The following EHMT1 variants were observed in gnomAD, a reference collection of about 807,000 sequenced individuals.
EHMT1 encodes the protein histone-lysine N-methyltransferase EHMT1.
A neutral mutation model predicts 147.2 loss-of-function variants in EHMT1; 15 were observed. That is an observed-to-expected ratio of 0.10 (90% CI 0.07 to 0.16). The LOEUF (loss-of-function observed/expected upper bound fraction) is 0.16. Ranked by LOEUF, EHMT1 falls within the 10% of genes least tolerant of loss-of-function variation. The pLI is 1.00. For synonymous variants in EHMT1, 795 were observed against 709.6 expected, an observed-to-expected ratio of 1.12 and a Z score of -1.91; for missense variants, 1,587 against 1,772.4, an observed-to-expected ratio of 0.90 and a Z score of 1.88.
At chr9:137,681,963 G>T (rs1247967754) in intron 1 of EHMT1, among the ~76,000 whole-genome samples, 2 of 151,820 alleles carry the variant, frequency 1.3e-5, no homozygotes, top group Non-Finnish European at 2.9e-5. Flanking sequence ...TTGTTTGTTT[G>T]TTTTTTTGAG....
intron 9 of EHMT1, among the ~76,000 whole-genome samples, chr9:137,760,182 T>C (rs1238485152): frequency 6.6e-6 from 1 of 152,150 alleles, no homozygotes; most frequent in Non-Finnish European, 1.5e-5. Flanking sequence ...TGAGGCTTGC[T>C]TCAGTCAGTT....
At chr9:137,745,762 C>G (rs924935320) in intron 6 of EHMT1, 13 of 385,278 alleles carry the variant, frequency 3.4e-5, no homozygotes, top group Admixed American at 1.3e-4. Context: ...ATGCCGGAGG[C>G]TCATAAGTGC....
intron 4 of EHMT1, among the ~76,000 whole-genome samples, chr9:137,740,389 C>G (rs191757853): frequency 6.6e-6 from 1 of 152,024 alleles, no homozygotes. Flanking sequence ...GCACTGGCCC[C>G]GCTTCTTTGA....
chr9:137,679,857 G>C (rs755077596), intron 1 of EHMT1, among the ~76,000 whole-genome samples: 21 of 152,124 alleles, frequency 1.4e-4, no homozygotes, highest in Admixed American at 9.2e-4. Context: ...CTAGAGTCAG[G>C]AGTTCCTTGT....
Position 137,768,529 on chromosome 9 carries a change from ATTTTTTTTTTTTTTTTTTTT to A in EHMT1, c.1647+5728_1647+5747del, listed in dbSNP as rs947901899. The stretch of plus-strand genomic sequence containing the variant: ...CCACCACGCCCGGCTAATTTTTTGT[ATTTTTTTTTTTTTTTTTTTT>A]TTTTTTTTTTTTTTTTTTGAGACGG... On this transcript the variant is annotated intron_variant, in intron 10 of 26. Transcript: ENST00000460843. Among the ~76,000 whole-genome samples, 30 of 18,286 alleles carry A rather than the reference ATTTTTTTTTTTTTTTTTTTT, an allele frequency of 1.6e-3. 1 individual carries two copies. Among genetic ancestry groups the A allele is most frequent in the South Asian group, 0.015 (5 of 334 alleles). The allele number at this position is 18,286 out of a possible 152,430, so 12.0% of individuals were successfully genotyped here.
chr9:137,619,278 G>A (rs2133379003), intron 1 of EHMT1, among the ~76,000 whole-genome samples: 1 of 146,570 alleles, frequency 6.8e-6, no homozygotes. Context: ...CGCGGCGCGG[G>A]CCGGGCGGCG....
chr9:137,675,145 T>C (rs1294748509), intron 1 of EHMT1: 2 of 152,246 alleles, frequency 1.3e-5, no homozygotes, highest in Non-Finnish European at 2.9e-5. Flanking sequence ...CTTCTGTGCC[T>C]TGTCATGAAG....
At chr9:137,709,433 C>T (rs537027028) in intron 1 of EHMT1, among the ~76,000 whole-genome samples, 1 of 152,270 alleles carries the variant, frequency 6.6e-6, no homozygotes, top group South Asian at 2.1e-4. Context: ...GGGCTGTGCA[C>T]AGTTGCTAAG....
At chr9:137,814,167 C>T in intron 21 of EHMT1, 1 of 567,298 alleles carries the variant, frequency 1.8e-6, no homozygotes, top group Non-Finnish European at 3.2e-6. Context: ...CCTTCACCCA[C>T]CCCACGTCAC....
intron 9 of EHMT1, among the ~76,000 whole-genome samples, chr9:137,761,481 G>A (rs748223009): frequency 1.4e-4 from 21 of 152,062 alleles, no homozygotes; most frequent in Non-Finnish European, 2.5e-4. Context: ...TTGAGACGGA[G>A]TCTCACTCTG....
chr9:137,830,554 T>A (rs1354626138), intron 25 of EHMT1, among the ~76,000 whole-genome samples: 1 of 152,250 alleles, frequency 6.6e-6, no homozygotes, highest in Non-Finnish European at 1.5e-5. Context: ...TTCTAAAATC[T>A]TTAGTTTCAA....
At chr9:137,723,797 C>A (rs1422730601) in intron 3 of EHMT1, among the ~76,000 whole-genome samples, 1 of 152,192 alleles carries the variant, frequency 6.6e-6, no homozygotes, top group Non-Finnish European at 1.5e-5. Context: ...TTTAATAAAT[C>A]CAATATTCTC....
At chr9:137,635,800 A>G (rs533256673) in intron 1 of EHMT1, among the ~76,000 whole-genome samples, 134 of 151,790 alleles carry the variant, frequency 8.8e-4, no homozygotes, top group African/African-American at 3.0e-3. Flanking sequence ...AGCCTGGGCG[A>G]CAGAGCGAGA....
intron 1 of EHMT1, among the ~76,000 whole-genome samples, chr9:137,708,105 A>G (rs948441952): frequency 6.6e-6 from 1 of 152,258 alleles, no homozygotes; most frequent in African/African-American, 2.4e-5. Flanking sequence ...TTTACATGTT[A>G]GGGAATACAG....
At chr9:137,635,419 G>T (rs540038509) in intron 1 of EHMT1, among the ~76,000 whole-genome samples, 3 of 150,876 alleles carry the variant, frequency 2.0e-5, no homozygotes, top group Admixed American at 6.6e-5. Context: ...GTTTCACCAT[G>T]TTGGACAGGC....
Position 137,835,114 on chromosome 9 carries a change from G to A in EHMT1, c.*161G>A, listed in dbSNP as rs1255449112. ...GTGAGGCTGCAGCCCCTGCGGGCGG[G>A]TGTGGATGCCTCCCAGCCACCTTCC... On this transcript the variant is annotated 3_prime_UTR_variant, in exon 27 of 27. Transcript: ENST00000460843. 2.4e-6 allele frequency: 2 copies of A among 839,808 alleles called. No homozygotes were observed. Among genetic ancestry groups the A allele is most frequent in the Non-Finnish European group, 3.3e-6 (2 of 608,166 alleles). The allele number at this position is 839,808 out of a possible 1,614,324, so 52.0% of individuals were successfully genotyped here. A position where few individuals can be genotyped will look rare whatever the true frequency, so the allele number is the denominator to read the frequency against.
Position 137,712,990 on chromosome 9 carries a change from C to T in EHMT1, c.85+1960C>T, listed in dbSNP as rs577933097. Among the ~76,000 whole-genome samples the T allele has an allele frequency of 2.6e-5, 4 of 152,210 alleles. 1 individual carries two copies. In the South Asian group the frequency reaches 8.3e-4, roughly 32 times the overall value. On this transcript the variant is annotated intron_variant, in intron 2 of 26. Coordinates refer to ENST00000460843, the MANE Select transcript of EHMT1 (RefSeq NM_024757.5). ...GTAGGGGTCCCAGTTTATTATTTTG[C>T]AAGTTGATAATCAGTTGTCCCAGCA...
At chr9:137,767,429 A>G (rs997396521) in intron 10 of EHMT1, among the ~76,000 whole-genome samples, 3 of 150,606 alleles carry the variant, frequency 2.0e-5, no homozygotes, top group African/African-American at 7.5e-5. Context: ...AGTATCACTT[A>G]CTCAAAATGC....
chr9:137,779,752 C>A, intron 14 of EHMT1, 35 bp downstream of exon 14: 1 of 1,608,922 alleles, frequency 6.2e-7, no homozygotes, highest in Non-Finnish European at 8.5e-7. Context: ...CACATGCAGC[C>A]GGCCCTGTGG....
Sources: gnomAD v4.1 joint callset for allele counts (sites outside exome capture counted in the v4.1 genomes callset) on GRCh38, gnomAD v4.1.1 for gene constraint, MANE v1.5 for transcripts, NCBI Gene and HGNC (gene_info 2026-07-23, HGNC 2026-07-21) for gene names.